Variants in ASCC3 observed in about 807,000 individuals in gnomAD.
The protein encoded by ASCC3 is activating signal cointegrator 1 complex subunit 3.
ASCC3 carries 158 observed loss-of-function variants against 256.3 expected under a neutral mutation model. The observed-to-expected ratio is 0.62, with a 90% CI of 0.54 to 0.70. The LOEUF (loss-of-function observed/expected upper bound fraction) is 0.70. ASCC3 is among the 30% of genes least tolerant of loss of function. The pLI, the probability that ASCC3 is intolerant of heterozygous loss-of-function variation, is 0.00. For missense variants in ASCC3, 2,259 were observed against 2,626.0 expected (o/e 0.86, Z 3.05); for synonymous variants, 948 against 883.4 (o/e 1.07, Z -1.30).
intron 10 of ASCC3, among the ~76,000 whole-genome samples, chr6:100,742,479 G>A (rs1335160609): frequency 6.6e-6 from 1 of 152,054 alleles, no homozygotes; most frequent in African/African-American, 2.4e-5. Context: ...CAGCTGAATT[G>A]ACTGAACCAA....
At chr6:100,617,362 T>C (rs1404764333) in intron 30 of ASCC3, among the ~76,000 whole-genome samples, 1 of 151,884 alleles carries the variant, frequency 6.6e-6, no homozygotes, top group Non-Finnish European at 1.5e-5. Flanking sequence ...GCCTTCCCTC[T>C]GTTCTTTTAT....
At chr6:100,809,038 G>A (rs1444947650) in intron 4 of ASCC3, among the ~76,000 whole-genome samples, 2 of 151,924 alleles carry the variant, frequency 1.3e-5, no homozygotes, top group African/African-American at 4.8e-5. Flanking sequence ...ACTATGAACG[G>A]AGCCTGCAGG....
rs1445883834 is a variant in ASCC3, at chr6:100,723,859, A to ATT, written c.1902+1678_1902+1679dup. On this transcript the variant is annotated intron_variant, in intron 11 of 41. Coordinates refer to ENST00000369162, the MANE Select transcript of ASCC3 (RefSeq NM_006828.4). ...GGATATGGCCAGAAGTTATTAGGGA[A>ATT]TTATATATATATATATATATATATA... is the stretch of plus-strand genomic sequence containing the variant. Among the ~76,000 whole-genome samples the ATT allele has an allele frequency of 3.6e-3, 204 of 56,874 alleles. 1 individual carries two copies. The highest frequency in any genetic ancestry group is 5.7e-3 in the Non-Finnish European group (177 of 31,088). 37.3% of individuals were successfully genotyped at this position (56,874 alleles called of 152,430 possible).
chr6:100,763,464 G>C (rs1781505248), intron 10 of ASCC3, among the ~76,000 whole-genome samples: 1 of 152,154 alleles, frequency 6.6e-6, no homozygotes, highest in Non-Finnish European at 1.5e-5. Flanking sequence ...ATCTGTAGGA[G>C]ATCGGTCAGG....
chr6:100,800,343 C>T lies in ASCC3; in HGVS notation c.1084G>A (p.Glu362Lys). 6.2e-7 allele frequency: 1 copy of T among 1,613,012 alleles called. No homozygotes were observed. The highest frequency in any genetic ancestry group is 1.1e-5 in the South Asian group (1 of 91,066). Residue 362 changes from glutamate (E) to lysine (K), a missense_variant, in exon 6 of 42, where the codon GAA (glutamate) becomes AAA (lysine). Physicochemically the swap from Glu to Lys is moderately conservative, Grantham distance 56. Transcript: ENST00000369162. ...KKAGEDLEVS[E>K]GLMCFDPKEL... ...TTAGGATCAAAGCACATAAGTCCTT[C>T]TGAAACTTCTAAATCTTCTCCAGCC...
rs544989153 is a variant in ASCC3 at position 100,579,199 on chromosome 6, T to G, written c.5550+10435A>C. ...ATGGGGTTGTTTGTTTTTTTTTTTT[T>G]GCTCGTTAATTTGCTTAAGTTCCTT... On this transcript the variant is annotated intron_variant, in intron 36 of 41. Coordinates refer to ENST00000369162, the MANE Select transcript of ASCC3 (RefSeq NM_006828.4). Among the ~76,000 whole-genome samples, 10 of 150,920 alleles carry G rather than the reference T, an allele frequency of 6.6e-5. No individual in the cohort carries two copies. In the South Asian group the frequency reaches 1.9e-3, roughly 28 times the overall value.
chr6:100,874,464 C>CAAAAAAAAAAAAAAA (rs530326162), intron 1 of ASCC3, among the ~76,000 whole-genome samples: 1 of 77,622 alleles, frequency 1.3e-5, no homozygotes, highest in Admixed American at 1.8e-4. Context: ...GACTCTGTCT[C>CAAAAAAAAAAAAAAA]AAAAAAAAAA....
At chr6:100,534,198 G>A (rs939896892) in intron 37 of ASCC3, among the ~76,000 whole-genome samples, 3 of 152,170 alleles carry the variant, frequency 2.0e-5, no homozygotes, top group Non-Finnish European at 4.4e-5. Flanking sequence ...AGCCAAGATG[G>A]TGTCACTGCA....
At chr6:100,690,986 T>C (rs1777818936) in intron 13 of ASCC3, among the ~76,000 whole-genome samples, 1 of 152,152 alleles carries the variant, frequency 6.6e-6, no homozygotes, top group Admixed American at 6.6e-5. Context: ...TTTATCAGCT[T>C]GTATGTTTGA....
intron 8 of ASCC3, among the ~76,000 whole-genome samples, chr6:100,768,687 C>T (rs889167730): frequency 6.6e-6 from 1 of 152,112 alleles, no homozygotes; most frequent in Non-Finnish European, 1.5e-5. Flanking sequence ...TGAAAATCAG[C>T]AAGGCTACCA....
intron 36 of ASCC3, 120 bp downstream of exon 36, chr6:100,589,514 C>A: frequency 1.7e-6 from 2 of 1,187,324 alleles, no homozygotes; most frequent in Non-Finnish European, 2.4e-6. Flanking sequence ...TTTGTAGTGA[C>A]CTTGTTTGAC....
chr6:100,572,025 T>G (rs1770616209), intron 36 of ASCC3, among the ~76,000 whole-genome samples: 1 of 152,220 alleles, frequency 6.6e-6, no homozygotes, highest in African/African-American at 2.4e-5. Flanking sequence ...GCACATGGAC[T>G]ATTGACTCTT....
At chr6:100,530,130 T>C (rs1344926237) in intron 37 of ASCC3, 2 of 549,490 alleles carry the variant, frequency 3.6e-6, no homozygotes, top group South Asian at 4.2e-5. Flanking sequence ...CTAATCAGTG[T>C]ACACTGTCAC....
intron 26 of ASCC3, among the ~76,000 whole-genome samples, chr6:100,630,665 T>A (rs551191954): frequency 4.6e-5 from 7 of 152,174 alleles, no homozygotes; most frequent in Admixed American, 3.3e-4. Flanking sequence ...CTGCAATGAA[T>A]AACCTTGTAG....
At chr6:100,709,872 C>G (rs1778785208) in intron 13 of ASCC3, among the ~76,000 whole-genome samples, 1 of 152,022 alleles carries the variant, frequency 6.6e-6, no homozygotes, top group Non-Finnish European at 1.5e-5. Context: ...AAACTATAAA[C>G]AATTTTAATA....
intron 4 of ASCC3, chr6:100,847,937 T>G (rs921779921): frequency 2.3e-6 from 1 of 437,102 alleles, no homozygotes; most frequent in Non-Finnish European, 4.0e-6. Context: ...GTCTGCTTAC[T>G]CCTCTGCTAC....
At chr6:100,828,508 G>C (rs1034291887) in intron 4 of ASCC3, among the ~76,000 whole-genome samples, 3 of 152,146 alleles carry the variant, frequency 2.0e-5, no homozygotes, top group Non-Finnish European at 2.9e-5. Context: ...CCCTCGCAGT[G>C]AGTGTTATAG....
Position 100,605,630 on chromosome 6 carries a change from A to C in ASCC3, c.5115T>G (p.Val1705=). ...FDDQGKAVIL[V]HDIKKDFYKK... is the part of the protein sequence containing the mutation. ...TATAAAAGTCTTTCTTTATGTCATG[A>C]ACTAGAATTACAGCTTTGCCTTGGT... The change falls in exon 33 of 42, where the codon GTT becomes GTG. Residue 1705 remains valine, a synonymous_variant. Transcript: ENST00000369162. 5 of 1,602,268 alleles carry C rather than the reference A, an allele frequency of 3.1e-6. No homozygotes were observed. The highest frequency in any genetic ancestry group is 4.3e-6 in the Non-Finnish European group (5 of 1,169,448).
intron 10 of ASCC3, among the ~76,000 whole-genome samples, chr6:100,756,141 G>A (rs1055189446): frequency 4.0e-5 from 6 of 151,348 alleles, no homozygotes; most frequent in African/African-American, 1.5e-4. Flanking sequence ...TTTAAAATTG[G>A]TTTGAGTGAA....
Sources: allele counts gnomAD v4.1 joint callset (sites outside exome capture counted in the v4.1 genomes callset), GRCh38; gene constraint gnomAD v4.1.1; transcripts MANE v1.5; gene names NCBI Gene and HGNC (gene_info 2026-07-23, HGNC 2026-07-21).